Variants in FAM227B observed in about 807,000 individuals in gnomAD.
The protein encoded by FAM227B is protein FAM227B.
Under a neutral mutation model 73.8 loss-of-function variants are expected in FAM227B, and 88 were observed. That is an observed-to-expected ratio of 1.19 (90% CI 1.00 to 1.42). The LOEUF (loss-of-function observed/expected upper bound fraction) is 1.42. FAM227B is among the 40% of genes most tolerant of loss of function. The pLI is 0.00. For synonymous variants in FAM227B, 210 were observed against 190.5 expected (o/e 1.10, Z -0.84); for missense variants, 632 against 590.9 (o/e 1.07, Z -0.72).
At chr15:49,503,309 A>C (rs948317872) in intron 11 of FAM227B, among the ~76,000 whole-genome samples, 14 of 152,308 alleles carry the variant, frequency 9.2e-5, no homozygotes, top group Non-Finnish European at 1.9e-4. Flanking sequence ...TTAGACCTAA[A>C]ACTATAAAAA....
intron 11 of FAM227B, among the ~76,000 whole-genome samples, chr15:49,459,066 C>T (rs1175740040): frequency 6.6e-6 from 1 of 152,156 alleles, no homozygotes; most frequent in Non-Finnish European, 1.5e-5. Flanking sequence ...ATATATCTTC[C>T]TTCTCTAGTG....
rs1254482602 is a variant in FAM227B, at chr15:49,507,732, A to G, written c.1012+479T>C. 5.3e-5 allele frequency among the ~76,000 whole-genome samples: 8 copies of G among 152,244 alleles called. No individual in the cohort carries two copies. The East Asian group carries it at 1.3e-3, about 26-fold the overall frequency. On this transcript the variant is annotated intron_variant, in intron 11 of 15. Transcript: ENST00000299338. Reference sequence around the variant, plus strand: ...TTTAATAAACGGATCATTTGGAAAAAAAAAACCCATCATATTGGAATACAA... The same window carrying G: ...TTTAATAAACGGATCATTTGGAAAAGAAAAACCCATCATATTGGAATACAA...
chr15:49,475,627 A>T (rs1364055602), intron 11 of FAM227B, among the ~76,000 whole-genome samples: 1 of 152,162 alleles, frequency 6.6e-6, no homozygotes, highest in Non-Finnish European at 1.5e-5. Context: ...TTTTCATAAC[A>T]TCTAAAAACA....
intron 11 of FAM227B, among the ~76,000 whole-genome samples, chr15:49,451,101 A>G (rs2052687558): frequency 6.6e-6 from 1 of 152,108 alleles, no homozygotes; most frequent in Non-Finnish European, 1.5e-5. Context: ...TGACCTAGAA[A>G]AAGTATATCA....
chr15:49,583,293 G>A (rs1191287674), intron 5 of FAM227B, among the ~76,000 whole-genome samples: 1 of 151,762 alleles, frequency 6.6e-6, no homozygotes, highest in Non-Finnish European at 1.5e-5. Context: ...GAAATGATAA[G>A]GGAATAGGAG....
chr15:49,513,059 A>G (rs2152123799), intron 10 of FAM227B, among the ~76,000 whole-genome samples: 1 of 152,308 alleles, frequency 6.6e-6, no homozygotes, highest in African/African-American at 2.4e-5. Context: ...GTGCTGCAAT[A>G]AACATACATG....
intron 11 of FAM227B, among the ~76,000 whole-genome samples, chr15:49,480,976 G>A (rs187806302): frequency 6.6e-6 from 1 of 152,300 alleles, no homozygotes; most frequent in East Asian, 1.9e-4. Flanking sequence ...TAAAAGAAAA[G>A]CCAGCAAACA....
intron 11 of FAM227B, among the ~76,000 whole-genome samples, chr15:49,498,814 T>A (rs2057859065): frequency 6.6e-6 from 1 of 152,132 alleles, no homozygotes; most frequent in South Asian, 2.1e-4. Context: ...GAGCAAGGGT[T>A]GCTATTCTTA....
At chr15:49,609,576 A>T (rs1460513875) in intron 3 of FAM227B, among the ~76,000 whole-genome samples, 1 of 151,956 alleles carries the variant, frequency 6.6e-6, no homozygotes, top group Non-Finnish European at 1.5e-5. Flanking sequence ...GCTTGTTTTT[A>T]TTCACTGATA....
At chr15:49,474,751 G>A (rs1328030919) in intron 11 of FAM227B, among the ~76,000 whole-genome samples, 1 of 152,114 alleles carries the variant, frequency 6.6e-6, no homozygotes, top group East Asian at 1.9e-4. Context: ...GATTAGCTGT[G>A]GCATTAGAAT....
At chr15:49,554,697 C>T (rs779592061) in intron 9 of FAM227B, among the ~76,000 whole-genome samples, 13 of 152,292 alleles carry the variant, frequency 8.5e-5, no homozygotes, top group Non-Finnish European at 1.9e-4. Flanking sequence ...TTCCAGACTG[C>T]TTTTCCTATC....
chr15:49,582,162 GC>G (rs1249035266), intron 5 of FAM227B, among the ~76,000 whole-genome samples: 1 of 152,116 alleles, frequency 6.6e-6, no homozygotes, highest in Non-Finnish European at 1.5e-5. Context: ...GGGGCTAAAT[GC>G]CCCCGTTAAA....
intron 14 of FAM227B, among the ~76,000 whole-genome samples, chr15:49,334,938 CA>C (rs1320488786): frequency 6.6e-6 from 1 of 152,164 alleles, no homozygotes; most frequent in Non-Finnish European, 1.5e-5. Flanking sequence ...CATGACTGAC[CA>C]CAAGCAATTA....
intron 11 of FAM227B, among the ~76,000 whole-genome samples, chr15:49,383,510 TC>T (rs1215096281): frequency 1.3e-5 from 2 of 152,134 alleles, no homozygotes; most frequent in African/African-American, 4.8e-5. Flanking sequence ...TTTGTATGAC[TC>T]ACTTTGTTGC....
chr15:49,456,478 T>C (rs1245528942), intron 11 of FAM227B, among the ~76,000 whole-genome samples: 1 of 152,152 alleles, frequency 6.6e-6, no homozygotes, highest in African/African-American at 2.4e-5. Flanking sequence ...TTCTCAACCA[T>C]TATATTTCCA....
intron 11 of FAM227B, among the ~76,000 whole-genome samples, chr15:49,407,573 T>C (rs2048600365): frequency 6.6e-6 from 1 of 151,028 alleles, no homozygotes; most frequent in Admixed American, 6.6e-5. Context: ...CAAATATATA[T>C]TTAACTAGTT....
intron 14 of FAM227B, among the ~76,000 whole-genome samples, chr15:49,335,129 G>A (rs1182844416): frequency 6.6e-6 from 1 of 152,106 alleles, no homozygotes; most frequent in Non-Finnish European, 1.5e-5. Flanking sequence ...GTAAATGGAC[G>A]ATACTCCAGT....
chr15:49,492,520 G>A (rs1567390958), intron 11 of FAM227B, among the ~76,000 whole-genome samples: 3 of 151,708 alleles, frequency 2.0e-5, no homozygotes, highest in Non-Finnish European at 4.4e-5. Context: ...TATTGTACAT[G>A]TCACTCAACT....
chr15:49,441,877 A>G (rs1361481896), intron 11 of FAM227B, among the ~76,000 whole-genome samples: 1 of 151,324 alleles, frequency 6.6e-6, no homozygotes, highest in Non-Finnish European at 1.5e-5. Context: ...AGGAGGAGGG[A>G]GCAACCTTCT....
Sources: allele counts gnomAD v4.1 joint callset (sites outside exome capture counted in the v4.1 genomes callset), GRCh38; gene constraint gnomAD v4.1.1; transcripts MANE v1.5; gene names NCBI Gene and HGNC (gene_info 2026-07-23, HGNC 2026-07-21).